Variants in PRLR observed in about 807,000 individuals in gnomAD.
PRLR encodes prolactin receptor, also known as hPRL receptor.
Under a neutral mutation model 40.2 loss-of-function variants are expected in PRLR, and 13 were observed. That is an observed-to-expected ratio of 0.32 (90% confidence interval 0.21 to 0.51). PRLR has a LOEUF of 0.51. Among genes scored for constraint, PRLR ranks in the 20% least tolerant of loss-of-function variants. The pLI is 0.97. For missense variants in PRLR, 656 were observed against 747.3 expected, an observed-to-expected ratio of 0.88 and a Z score of 1.42; for synonymous variants, 269 against 278.7, an observed-to-expected ratio of 0.97 and a Z score of 0.35.
chr5:35,229,800 C>T (rs1222218711), intron 1 of PRLR, among the ~76,000 whole-genome samples: 2 of 152,050 alleles, frequency 1.3e-5, no homozygotes, highest in Non-Finnish European at 1.5e-5. Flanking sequence ...GGGAGAGTCT[C>T]GAGTCCGGCT....
At chr5:35,187,261 CTT>C (rs1463390027) in intron 1 of PRLR, among the ~76,000 whole-genome samples, 2 of 151,900 alleles carry the variant, frequency 1.3e-5, no homozygotes, top group Non-Finnish European at 2.9e-5. Flanking sequence ...ATTAACCAGG[CTT>C]CATGGTGCAT....
chr5:35,139,336 T>C (rs1454175763), intron 1 of PRLR, among the ~76,000 whole-genome samples: 1 of 152,188 alleles, frequency 6.6e-6, no homozygotes. Flanking sequence ...GGTTTCACCA[T>C]GTTGGCCAGG....
chr5:35,052,437 A>G (rs1304593209), downstream of PRLR, among the ~76,000 whole-genome samples: 1 of 152,214 alleles, frequency 6.6e-6, no homozygotes, highest in Non-Finnish European at 1.5e-5. Context: ...ATATAAAGGC[A>G]TATCTTTCAC....
Position 35,072,456 on chromosome 5 carries a change from A to G in PRLR, c.543+119T>C, listed in dbSNP as rs1265572754. ...GCTTTTCACATCTGGGTGGGTCACA[A>G]CTGCATTGGAGGCCAACACAGTGAC... On this transcript the variant is annotated intron_variant, in intron 6 of 9. Coordinates refer to ENST00000618457, the MANE Select transcript of PRLR (RefSeq NM_000949.7). 7 of 1,187,914 alleles carry G rather than the reference A, an allele frequency of 5.9e-6. No individual in the cohort carries two copies. The East Asian group carries it at 1.2e-4, about 20-fold the overall frequency. The allele number at this position is 1,187,914 out of a possible 1,614,324, so 73.6% of individuals were successfully genotyped here. A position where few individuals can be genotyped will look rare whatever the true frequency, so the allele number is the denominator to read the frequency against.
downstream of PRLR, among the ~76,000 whole-genome samples, chr5:35,052,640 A>T (rs563121582): frequency 6.6e-6 from 1 of 152,262 alleles, no homozygotes; most frequent in East Asian, 1.9e-4. Context: ...TATTACTATA[A>T]CTTTACACCA....
chr5:35,187,899 T>C (rs1217327934), intron 1 of PRLR, among the ~76,000 whole-genome samples: 1 of 152,180 alleles, frequency 6.6e-6, no homozygotes, highest in African/African-American at 2.4e-5. Flanking sequence ...AGGGAGTCCA[T>C]GCTTCTGAGG....
intron 1 of PRLR, among the ~76,000 whole-genome samples, chr5:35,183,092 AC>A (rs1215959705): frequency 2.0e-5 from 3 of 152,190 alleles, no homozygotes; most frequent in Non-Finnish European, 4.4e-5. Flanking sequence ...TGCGACACCT[AC>A]TTCTAGCCGT....
downstream of PRLR, among the ~76,000 whole-genome samples, chr5:35,052,097 T>A (rs1313146459): frequency 6.6e-6 from 1 of 152,218 alleles, no homozygotes; most frequent in East Asian, 1.9e-4. Flanking sequence ...ACTTACTTAA[T>A]CCTAGAAGAT....
Position 35,058,654 on chromosome 5 carries a change from T to C in PRLR, c.*6435A>G, listed in dbSNP as rs186780999. 6.6e-6 allele frequency: 1 copy of C among 152,356 alleles called. No individual in the cohort carries two copies. Among genetic ancestry groups the C allele is most frequent in the Admixed American group, 6.5e-5 (1 of 15,300 alleles). The allele number at this position is 152,356 out of a possible 1,614,324, so 9.4% of individuals were successfully genotyped here. A position where few individuals can be genotyped will look rare whatever the true frequency, so the allele number is the denominator to read the frequency against. On this transcript the variant is annotated 3_prime_UTR_variant, in exon 10 of 10. Coordinates refer to ENST00000618457, the MANE Select transcript of PRLR (RefSeq NM_000949.7). ...TTTTACAGTCATAGACACAATCATA[T>C]TGAAACTACATATGGATAAATTGTA... is the stretch of plus-strand genomic sequence containing the variant.
intron 1 of PRLR, among the ~76,000 whole-genome samples, chr5:35,122,167 A>G (rs1260021682): frequency 6.6e-6 from 1 of 152,220 alleles, no homozygotes; most frequent in Non-Finnish European, 1.5e-5. Flanking sequence ...AAAAGATAAT[A>G]AATACTTCTT....
At chr5:35,191,055 T>C (rs1311777434) in intron 1 of PRLR, among the ~76,000 whole-genome samples, 1 of 5,180 alleles carries the variant, frequency 1.9e-4, no homozygotes, top group Non-Finnish European at 4.7e-4. Context: ...TTTCTTTTTT[T>C]TTTTTTTTTT....
intron 1 of PRLR, among the ~76,000 whole-genome samples, chr5:35,157,515 A>G (rs568122806): frequency 9.9e-5 from 15 of 152,246 alleles, no homozygotes; most frequent in Non-Finnish European, 1.8e-4. Context: ...CTTATGCCAT[A>G]TTCAATGTAA....
In PRLR at chr5:35,067,814, T is replaced by C. The variant is rs140147866; in HGVS notation, c.855+402A>G. On this transcript the variant is annotated intron_variant, in intron 9 of 9. Transcript: ENST00000618457. ...CAATGGGATATTCTGTTACTATGGC[T>C]TTATGTAAAGAACATTCAAGTAGAA... Among the ~76,000 whole-genome samples the C allele has an allele frequency of 3.0e-3, 464 of 152,284 alleles. 3 individuals carry two copies. Among genetic ancestry groups the C allele is most frequent in the African/African-American group, 0.011 (442 of 41,560 alleles).
intron 1 of PRLR, among the ~76,000 whole-genome samples, chr5:35,208,959 T>C (rs1032005593): frequency 1.3e-5 from 2 of 152,130 alleles, no homozygotes; most frequent in Admixed American, 6.5e-5. Context: ...AGTACATCCA[T>C]ATGACGGAAT....
At chr5:35,075,415 C>A (rs550774900) in intron 5 of PRLR, among the ~76,000 whole-genome samples, 1 of 152,318 alleles carries the variant, frequency 6.6e-6, no homozygotes, top group East Asian at 1.9e-4. Context: ...CAGAGGGTCC[C>A]AAGCCCATGG....
At position 35,074,019 on chromosome 5, in the gene PRLR, G is replaced by T. The variant is rs529407731; in HGVS notation, c.374-1275C>A. Among the ~76,000 whole-genome samples, 141 of 152,224 alleles carry T rather than the reference G, an allele frequency of 9.3e-4. 1 individual carries two copies. In the South Asian group the frequency reaches 0.028, roughly 30 times the overall value. On this transcript the variant is annotated intron_variant, in intron 5 of 9. Coordinates refer to ENST00000618457, the MANE Select transcript of PRLR (RefSeq NM_000949.7). Reference sequence around the variant, plus strand: ...AAGTCAAACTTAGAGTTGCCATATTGCCCATCAATTCCACTCCTAGATATA... The same window carrying T: ...AAGTCAAACTTAGAGTTGCCATATTTCCCATCAATTCCACTCCTAGATATA...
At chr5:35,069,913 A>T (rs1030747235) in intron 7 of PRLR, among the ~76,000 whole-genome samples, 2 of 152,260 alleles carry the variant, frequency 1.3e-5, no homozygotes, top group African/African-American at 4.8e-5. Flanking sequence ...CCATGTCTGT[A>T]GCCTTATCCT....
intron 1 of PRLR, among the ~76,000 whole-genome samples, chr5:35,178,483 T>C (rs1389462938): frequency 1.3e-5 from 2 of 152,316 alleles, no homozygotes; most frequent in African/African-American, 4.8e-5. Flanking sequence ...AAATGTACAC[T>C]GTATGTTCCT....
At chr5:35,164,256 A>G (rs1774757879) in intron 1 of PRLR, among the ~76,000 whole-genome samples, 1 of 152,216 alleles carries the variant, frequency 6.6e-6, no homozygotes, top group Non-Finnish European at 1.5e-5. Flanking sequence ...TGGGGCTTAC[A>G]ATCTAGTGGA....
Sources: allele counts gnomAD v4.1 joint callset (sites outside exome capture counted in the v4.1 genomes callset), GRCh38; gene constraint gnomAD v4.1.1; transcripts MANE v1.5; gene names NCBI Gene and HGNC (gene_info 2026-07-23, HGNC 2026-07-21).